PXYLP1: variants seen among roughly 807,000 people sequenced by gnomAD.
PXYLP1 encodes acid phosphatase-like 2.
Under a neutral mutation model 37.9 loss-of-function variants are expected in PXYLP1, and 17 were observed. The ratio of observed to expected loss-of-function variants is 0.45; its 90% CI spans 0.31 to 0.67. PXYLP1 has a LOEUF of 0.67. Among genes scored for constraint, PXYLP1 ranks in the 30% least tolerant of loss-of-function variants. PXYLP1 has a pLI of 0.07. For missense variants in PXYLP1, 511 were observed against 612.0 expected, an observed-to-expected ratio of 0.84 and a Z score of 1.74; for synonymous variants, 221 against 232.2, an observed-to-expected ratio of 0.95 and a Z score of 0.44.
chr3:141,242,335 G>A (rs1940825542), intron 1 of PXYLP1, among the ~76,000 whole-genome samples: 3 of 152,200 alleles, frequency 2.0e-5, no homozygotes, highest in African/African-American at 4.8e-5. Context: ...GGAGGCTGGT[G>A]TGCAGTCCAT....
At chr3:141,269,484 T>C (rs1941609366) in intron 2 of PXYLP1, among the ~76,000 whole-genome samples, 1 of 152,164 alleles carries the variant, frequency 6.6e-6, no homozygotes, top group Admixed American at 6.5e-5. Flanking sequence ...CCTTTTTATT[T>C]TGAAAAAAGA....
At chr3:141,289,015 C>T (rs1489636807) in intron 5 of PXYLP1, among the ~76,000 whole-genome samples, 1 of 152,184 alleles carries the variant, frequency 6.6e-6, no homozygotes, top group Non-Finnish European at 1.5e-5. Context: ...TTATATGTGT[C>T]TCTGTATAAA....
At chr3:141,267,203 G>A (rs1941538294) in intron 2 of PXYLP1, 1 of 152,198 alleles carries the variant, frequency 6.6e-6, no homozygotes, top group Non-Finnish European at 1.5e-5. Context: ...TTTGTCCTGT[G>A]TACGTTCAGT....
chr3:141,261,485 A>G (rs1203459644), intron 2 of PXYLP1, among the ~76,000 whole-genome samples: 3 of 152,240 alleles, frequency 2.0e-5, no homozygotes, highest in African/African-American at 2.4e-5. Context: ...CAATAAAGCA[A>G]TTAAATAAAT....
chr3:141,237,117 A>T (rs1940677403), intron 1 of PXYLP1, among the ~76,000 whole-genome samples: 2 of 152,216 alleles, frequency 1.3e-5, no homozygotes, highest in African/African-American at 4.8e-5. Flanking sequence ...CAGATCTCAT[A>T]AGCAGAGAAA....
At chr3:141,283,652 G>A (rs1408680542) in intron 4 of PXYLP1, among the ~76,000 whole-genome samples, 6 of 152,000 alleles carry the variant, frequency 3.9e-5, no homozygotes, top group Non-Finnish European at 1.5e-5. Flanking sequence ...TATGTAAGAT[G>A]ATAAATTCTT....
intron 2 of PXYLP1, among the ~76,000 whole-genome samples, chr3:141,277,293 A>C (rs74864290): frequency 0.045 from 6,780 of 152,112 alleles, 236 homozygotes; most frequent in East Asian, 0.12. Context: ...GTGATTAATA[A>C]ATCTTTTAGA....
At chr3:141,266,759 C>T (rs377357738) in intron 2 of PXYLP1, among the ~76,000 whole-genome samples, 1 of 150,574 alleles carries the variant, frequency 6.6e-6, no homozygotes, top group African/African-American at 2.4e-5. Flanking sequence ...GATAGTTTCC[C>T]TGGGAACTCT....
intron 5 of PXYLP1, among the ~76,000 whole-genome samples, chr3:141,287,740 T>G (rs16851316): frequency 0.035 from 5,258 of 152,232 alleles, 154 homozygotes; most frequent in South Asian, 0.1. Flanking sequence ...ACCACAGAAA[T>G]AGACCCTTAA....
chr3:141,234,073 C>G (rs369706796), intron 1 of PXYLP1: 1 of 152,092 alleles, frequency 6.6e-6, no homozygotes, highest in Non-Finnish European at 1.5e-5. Context: ...ATGGATGCCC[C>G]GGTGAATTAG....
intron 1 of PXYLP1, among the ~76,000 whole-genome samples, chr3:141,242,404 A>C (rs1188842133): frequency 6.6e-6 from 1 of 152,190 alleles, no homozygotes; most frequent in East Asian, 1.9e-4. Flanking sequence ...AACTTTCAGC[A>C]CTGCCTGAGA....
intron 1 of PXYLP1, among the ~76,000 whole-genome samples, chr3:141,241,411 A>T (rs993432756): frequency 2.6e-5 from 4 of 151,232 alleles, no homozygotes; most frequent in South Asian, 4.2e-4. Context: ...GGAAGCTGAC[A>T]TGAGTCTGTC....
chr3:141,233,986 A>G (rs577361682), intron 1 of PXYLP1, among the ~76,000 whole-genome samples: 1 of 151,646 alleles, frequency 6.6e-6, no homozygotes, highest in Non-Finnish European at 1.5e-5. Context: ...GGAAGGAACC[A>G]CCTCTGTGGC....
intron 1 of PXYLP1, among the ~76,000 whole-genome samples, chr3:141,236,087 G>C (rs1014298477): frequency 6.6e-5 from 10 of 152,154 alleles, no homozygotes; most frequent in African/African-American, 2.4e-4. Flanking sequence ...CATTCCCTTG[G>C]CCCACAGTCA....
At chr3:141,281,330 C>T (rs1465304376) in intron 4 of PXYLP1, among the ~76,000 whole-genome samples, 1 of 152,140 alleles carries the variant, frequency 6.6e-6, no homozygotes, top group Admixed American at 6.5e-5. Flanking sequence ...AAGAACTGGG[C>T]AGGTGTGAGC....
chr3:141,234,762 C>T (rs1183057244), intron 1 of PXYLP1: 1 of 152,254 alleles, frequency 6.6e-6, no homozygotes, highest in East Asian at 1.9e-4. Context: ...ACCTCATGTC[C>T]CCCTTTTTTT....
At chr3:141,248,527 G>GTA (rs1336086048) in intron 1 of PXYLP1, among the ~76,000 whole-genome samples, 4 of 140,218 alleles carry the variant, frequency 2.9e-5, no homozygotes, top group African/African-American at 5.5e-5. Flanking sequence ...ACACACACAC[G>GTA]TATATATATA....
At position 141,248,700 on chromosome 3, in the gene PXYLP1, CACGT is replaced by C. The variant is rs1366911416; in HGVS notation, c.-53-11422_-53-11419del. Among the ~76,000 whole-genome samples the C allele has an allele frequency of 3.6e-3, 119 of 32,700 alleles. 3 individuals are homozygous for C. The highest frequency in any genetic ancestry group is 0.013 in the East Asian group (9 of 706). The allele number at this position is 32,700 out of a possible 152,430, so 21.5% of individuals were successfully genotyped here. A position where few individuals can be genotyped will look rare whatever the true frequency, so the allele number is the denominator to read the frequency against. On this transcript the variant is annotated intron_variant, in intron 1 of 5. Transcript: ENST00000286353. ...GTATATATACACACGTATATACACA[CACGT>C]GTATATATACACACGTATATACACA... is the stretch of plus-strand genomic sequence containing the variant.
intron 1 of PXYLP1, among the ~76,000 whole-genome samples, chr3:141,254,826 G>A (rs1308376318): frequency 6.6e-6 from 1 of 151,910 alleles, no homozygotes; most frequent in African/African-American, 2.4e-5. Flanking sequence ...TTCTATTCTT[G>A]GTAATGGTAT....
Sources: allele counts gnomAD v4.1 joint callset (sites outside exome capture counted in the v4.1 genomes callset), GRCh38; gene constraint gnomAD v4.1.1; transcripts MANE v1.5; gene names NCBI Gene and HGNC (gene_info 2026-07-23, HGNC 2026-07-21).